The following SLCO3A1 variants were observed in gnomAD, a reference collection of about 807,000 sequenced individuals.
SLCO3A1 encodes the protein solute carrier organic anion transporter family member 3A1, also known as PGE1 transporter.
Under a neutral mutation model 63.1 loss-of-function variants are expected in SLCO3A1, and 27 were observed. That is an observed-to-expected ratio of 0.43 (90% CI 0.32 to 0.59). The LOEUF (loss-of-function observed/expected upper bound fraction) is 0.59. Among genes scored for constraint, SLCO3A1 ranks in the 20% least tolerant of loss-of-function variants. The pLI, the probability that SLCO3A1 is intolerant of heterozygous loss-of-function variation, is 0.09. For synonymous variants in SLCO3A1, 473 were observed against 409.9 expected (o/e 1.15, Z -1.86); for missense variants, 773 against 945.8 (o/e 0.82, Z 2.40).
chr15:92,159,658 C>T (rs2048413508), intron 9 of SLCO3A1, among the ~76,000 whole-genome samples: 1 of 151,094 alleles, frequency 6.6e-6, no homozygotes, highest in African/African-American at 2.4e-5. Flanking sequence ...CCTGGAACTC[C>T]TGGGGTCAAG....
intron 2 of SLCO3A1, among the ~76,000 whole-genome samples, chr15:92,047,492 T>C (rs1254764218): frequency 1.2e-4 from 2 of 17,326 alleles, no homozygotes; most frequent in South Asian, 1.9e-3. Flanking sequence ...AATATATATA[T>C]AAATATATAT....
At chr15:92,159,214 C>T (rs1012851235) in intron 9 of SLCO3A1, among the ~76,000 whole-genome samples, 4 of 152,258 alleles carry the variant, frequency 2.6e-5, no homozygotes, top group Middle Eastern at 3.4e-3. Flanking sequence ...CAGCTGGGTG[C>T]GGTGGCTCAC....
chr15:92,148,445 G>A lies in SLCO3A1; in HGVS notation c.1688+1286G>A, dbSNP rs976536517. Among the ~76,000 whole-genome samples, 14 of 152,226 alleles carry A rather than the reference G, an allele frequency of 9.2e-5. 1 individual carries two copies. The highest frequency in any genetic ancestry group is 5.2e-4 in the Admixed American group (8 of 15,296). On this transcript the variant is annotated intron_variant, in intron 8 of 9. Coordinates refer to ENST00000318445, the MANE Select transcript of SLCO3A1 (RefSeq NM_013272.4). The stretch of plus-strand genomic sequence containing the variant: ...TACAAGTACTAATGTTACCTAGAAC[G>A]TCATTAGCAAGGCCTTGCGAATGTG...
intron 5 of SLCO3A1, among the ~76,000 whole-genome samples, chr15:92,123,478 C>T (rs1035231601): frequency 1.3e-5 from 2 of 152,028 alleles, no homozygotes; most frequent in African/African-American, 4.8e-5. Flanking sequence ...CAGATTACCA[C>T]CCCTCTCCCT....
intron 2 of SLCO3A1, among the ~76,000 whole-genome samples, chr15:92,048,855 G>A (rs988266681): frequency 2.0e-5 from 3 of 152,162 alleles, no homozygotes; most frequent in African/African-American, 7.2e-5. Context: ...CCGAGATCAC[G>A]CCATTGCACC....
In SLCO3A1 at chr15:91,858,546, A is replaced by G. The variant is rs140266337; in HGVS notation, c.180+4458A>G. On this transcript the variant is annotated intron_variant, in intron 1 of 9. Coordinates refer to ENST00000318445, the MANE Select transcript of SLCO3A1 (RefSeq NM_013272.4). Reference sequence around the variant, plus strand: ...AAGAAACTGAATGAGTTGTAAAATGAGCGAGGGCTCTATCCTGCATTTTGT... The same window carrying G: ...AAGAAACTGAATGAGTTGTAAAATGGGCGAGGGCTCTATCCTGCATTTTGT... 3.7e-3 allele frequency among the ~76,000 whole-genome samples: 565 copies of G among 152,330 alleles called. 1 individual carries two copies. The highest frequency in any genetic ancestry group is 0.013 in the African/African-American group (535 of 41,572).
At chr15:92,140,793 G>A (rs2048121732) in intron 7 of SLCO3A1, among the ~76,000 whole-genome samples, 1 of 152,150 alleles carries the variant, frequency 6.6e-6, no homozygotes, top group Non-Finnish European at 1.5e-5. Context: ...CAGAGACTAA[G>A]ATTGCAACCT....
intron 1 of SLCO3A1, among the ~76,000 whole-genome samples, chr15:91,892,010 A>G (rs1050462851): frequency 2.0e-5 from 3 of 152,250 alleles, no homozygotes; most frequent in African/African-American, 7.2e-5. Flanking sequence ...TCCTAGATAA[A>G]TAAGTAATCC....
At chr15:92,107,842 C>A (rs1283786576) in intron 4 of SLCO3A1, among the ~76,000 whole-genome samples, 1 of 152,226 alleles carries the variant, frequency 6.6e-6, no homozygotes, top group African/African-American at 2.4e-5. Flanking sequence ...GGGTTAAAAT[C>A]CAGCTCAGTC....
intron 2 of SLCO3A1, among the ~76,000 whole-genome samples, chr15:91,937,320 G>A (rs1899449148): frequency 6.6e-6 from 1 of 152,196 alleles, no homozygotes; most frequent in Admixed American, 6.5e-5. Flanking sequence ...CAGGCCCCAT[G>A]GGGAACAAGT....
chr15:92,000,113 A>G (rs1402932652), intron 2 of SLCO3A1, among the ~76,000 whole-genome samples: 1 of 152,228 alleles, frequency 6.6e-6, no homozygotes, highest in African/African-American at 2.4e-5. Flanking sequence ...TTTGTGTAAC[A>G]TTTTTTAAAA....
intron 2 of SLCO3A1, among the ~76,000 whole-genome samples, chr15:91,918,458 A>G (rs892629816): frequency 5.3e-5 from 8 of 152,076 alleles, no homozygotes; most frequent in African/African-American, 1.9e-4. Flanking sequence ...CATGCCATGG[A>G]GATGATAGTT....
rs563619733 is a variant in SLCO3A1, at chr15:91,895,804, G to T, written c.181-20189G>T. On this transcript the variant is annotated intron_variant, in intron 1 of 9. Coordinates refer to ENST00000318445, the MANE Select transcript of SLCO3A1 (RefSeq NM_013272.4). ...AGTGCCATGGCATTTATCGTTACAG[G>T]TTATTAAATTATGTGGTGTTTTCCA... Among the ~76,000 whole-genome samples the T allele has an allele frequency of 5.9e-5, 9 of 152,302 alleles. No homozygotes were observed. In the South Asian group the frequency reaches 1.9e-3, roughly 32 times the overall value.
At chr15:92,011,852 C>T (rs1042744896) in intron 2 of SLCO3A1, among the ~76,000 whole-genome samples, 1 of 152,204 alleles carries the variant, frequency 6.6e-6, no homozygotes, top group Admixed American at 6.5e-5. Context: ...GTGAACAGAG[C>T]GAGTTATACG....
At chr15:91,906,408 GACCAGGTCTT>G (rs1325206891) in intron 1 of SLCO3A1, among the ~76,000 whole-genome samples, 1 of 152,214 alleles carries the variant, frequency 6.6e-6, no homozygotes, top group African/African-American at 2.4e-5. Flanking sequence ...TGAGGGCAGA[GACCAGGTCTT>G]ATCGAACTTT....
intron 1 of SLCO3A1, among the ~76,000 whole-genome samples, chr15:91,861,695 C>A (rs1046179570): frequency 2.0e-5 from 3 of 152,158 alleles, no homozygotes; most frequent in African/African-American, 7.2e-5. Flanking sequence ...AGTGCAGTGG[C>A]AGGATCACAG....
At chr15:91,927,695 C>A (rs1278712769) in intron 2 of SLCO3A1, among the ~76,000 whole-genome samples, 2 of 152,170 alleles carry the variant, frequency 1.3e-5, no homozygotes. Flanking sequence ...TGATTTCTCC[C>A]TGCTTCCCTT....
chr15:92,073,292 C>T (rs562210925), intron 2 of SLCO3A1, among the ~76,000 whole-genome samples: 1 of 152,236 alleles, frequency 6.6e-6, no homozygotes, highest in African/African-American at 2.4e-5. Flanking sequence ...TTCCAGGGCT[C>T]GGTAGCATGA....
chr15:92,098,383 G>A (rs934631715), intron 3 of SLCO3A1, among the ~76,000 whole-genome samples: 6 of 152,194 alleles, frequency 3.9e-5, no homozygotes, highest in Admixed American at 1.3e-4. Context: ...TGATCGCTAC[G>A]TGGTTCCCTT....
Sources: allele counts gnomAD v4.1 joint callset (sites outside exome capture counted in the v4.1 genomes callset), GRCh38; gene constraint gnomAD v4.1.1; transcripts MANE v1.5; gene names NCBI Gene and HGNC (gene_info 2026-07-23, HGNC 2026-07-21).